The following MYO19 variants were observed in gnomAD, a reference collection of about 807,000 sequenced individuals.
The protein encoded by MYO19 is unconventional myosin-XIX.
Under a neutral mutation model 129.2 loss-of-function variants are expected in MYO19, and 132 were observed. That is an observed-to-expected ratio of 1.02 (90% CI 0.89 to 1.18). MYO19 has a LOEUF of 1.18. Among genes scored for constraint, MYO19 ranks in the 50% most tolerant of loss-of-function variants. The probability of loss-of-function intolerance (pLI) is 0.00; values close to 1 mark genes in which losing one functional copy is unlikely to be tolerated. For missense variants in MYO19, 1,210 were observed against 1,216.7 expected (o/e 0.99, Z 0.08); for synonymous variants, 531 against 477.2 (o/e 1.11, Z -1.47).
rs1483128936 is a variant in MYO19 at position 36,495,684 on chromosome 17, G to A, written c.*567C>T. ...GGTACAGTTGATAGACATCATAAAC[G>A]ATATCAAGCTTACACTTCATATGGA... On this transcript the variant is annotated 3_prime_UTR_variant, in exon 26 of 26. Coordinates refer to ENST00000614623, the MANE Select transcript of MYO19 (RefSeq NM_001163735.2). The A allele has an allele frequency of 6.3e-6, 8 of 1,264,832 alleles. No homozygotes were observed. The highest frequency in any genetic ancestry group is 6.0e-5 in the East Asian group (2 of 33,244). 78.4% of individuals were successfully genotyped at this position (1,264,832 alleles called of 1,614,324 possible). A position where few individuals can be genotyped will look rare whatever the true frequency, so the allele number is the denominator to read the frequency against.
chr17:36,535,628 G>C (rs1290412163), upstream of MYO19: 1 of 152,240 alleles, frequency 6.6e-6, no homozygotes, highest in Non-Finnish European at 1.5e-5. Context: ...CGGCCAGGTC[G>C]GGCGTCTGTT....
In MYO19 at chr17:36,513,678, AG is replaced by A; in HGVS notation, c.767del (p.Pro256LeufsTer16). 6.2e-7 allele frequency: 1 copy of A among 1,613,956 alleles called. No homozygotes were observed. The stretch of plus-strand genomic sequence containing the variant: ...GCAGCCAGGAGAAGGCAGCTCCCTC[AG>A]GAAGGTGCCACTGGAGCCTCTCGTC... ...SEDERLQWHL[P>X]EGAAFSWLPN... On this transcript the variant is annotated frameshift_variant, in exon 10 of 26. Coordinates refer to ENST00000614623, the MANE Select transcript of MYO19 (RefSeq NM_001163735.2). LOFTEE classifies it high-confidence loss of function.
At chr17:36,524,267 C>CT (rs1369240728) in intron 6 of MYO19, among the ~76,000 whole-genome samples, 1 of 152,224 alleles carries the variant, frequency 6.6e-6, no homozygotes, top group Non-Finnish European at 1.5e-5. Context: ...TCTCAGCAGA[C>CT]TAAGTGCCCC....
chr17:36,507,154 C>G lies in MYO19; in HGVS notation c.1468-15G>C. On this transcript the variant is annotated splice_polypyrimidine_tract_variant and intron_variant, in intron 16 of 25. Coordinates refer to ENST00000614623, the MANE Select transcript of MYO19 (RefSeq NM_001163735.2). ...AGGCGGCATTCCTGTGGGATGGGAA[C>G]AGGGGGTCAGCCACCAACATGAGAG... The G allele has an allele frequency of 6.3e-7, 1 of 1,592,544 alleles. No individual in the cohort carries two copies. The highest frequency in any genetic ancestry group is 8.6e-7 in the Non-Finnish European group (1 of 1,164,928).
chr17:36,516,554 TAA>T (rs1287876054), intron 6 of MYO19, among the ~76,000 whole-genome samples: 1 of 152,180 alleles, frequency 6.6e-6, no homozygotes, highest in Non-Finnish European at 1.5e-5. Flanking sequence ...ACATCTTTAG[TAA>T]AGACGGGGTT....
intron 25 of MYO19, chr17:36,498,003 G>A (rs1022469514): frequency 4.2e-5 from 20 of 478,740 alleles, no homozygotes; most frequent in African/African-American, 2.3e-4. Context: ...CATTGCATTT[G>A]GAAATGGGAC....
chr17:36,505,442 G>T, intron 18 of MYO19, 38 bp from the exon 19 acceptor site: 2 of 1,501,022 alleles, frequency 1.3e-6, no homozygotes, highest in Non-Finnish European at 1.8e-6. Flanking sequence ...CAGGGAGAGG[G>T]GCTGCCCAGG....
At chr17:36,538,360 A>C (rs759140627), upstream of MYO19, 2 of 1,614,076 alleles carry the variant, frequency 1.2e-6, no homozygotes. Flanking sequence ...CCTGTTACAA[A>C]TAAAAAGCAT....
chr17:36,523,182 C>CAAAAAAAAA (rs34403651), intron 6 of MYO19, among the ~76,000 whole-genome samples: 1 of 103,442 alleles, frequency 9.7e-6, no homozygotes, highest in African/African-American at 3.5e-5. Flanking sequence ...AACCCTGTCT[C>CAAAAAAAAA]AAAAAAAAAA....
rs995340115 is a variant in MYO19 at position 36,514,525 on chromosome 17, G to A, written c.641C>T (p.Ala214Val). 1.2e-6 allele frequency: 2 copies of A among 1,612,848 alleles called. No homozygotes were observed. Among genetic ancestry groups the A allele is most frequent in the Non-Finnish European group, 1.7e-6 (2 of 1,178,900 alleles). The change falls in exon 9 of 26, where the codon GCA becomes GTA. Residue 214 changes from alanine to valine, a missense_variant. Ala to Val is a moderately conservative substitution (Grantham distance 64). Coordinates refer to ENST00000614623, the MANE Select transcript of MYO19 (RefSeq NM_001163735.2). ...TTTCTCTAGGAGGTAGGTCTGGACT[G>A]CGGCTCCAGTCATTTGCTGAGCCCT... ...LNRAQQMTGA[A>V]VQTYLLEKTR...
intron 25 of MYO19, chr17:36,497,653 C>G (rs1372893941): frequency 3.8e-6 from 2 of 522,320 alleles, no homozygotes; most frequent in African/African-American, 4.1e-5. Flanking sequence ...GGCGCAATCT[C>G]GGCTCACTGC....
At chr17:36,505,728 A>C (rs1046480139) in intron 18 of MYO19, among the ~76,000 whole-genome samples, 11 of 152,324 alleles carry the variant, frequency 7.2e-5, no homozygotes, top group African/African-American at 2.6e-4. Context: ...AGAAAAGAAC[A>C]ATCTCAAAAC....
chr17:36,510,193 T>C (rs945779512), intron 13 of MYO19, among the ~76,000 whole-genome samples: 2 of 152,186 alleles, frequency 1.3e-5, no homozygotes, highest in Admixed American at 1.3e-4. Context: ...GAACTCAAGG[T>C]GAGAGATCAT....
intron 7 of MYO19, 101 bp from the exon 8 acceptor site, chr17:36,515,283 G>A (rs1243193374): frequency 1.0e-6 from 1 of 1,003,262 alleles, no homozygotes; most frequent in African/African-American, 1.6e-5. Context: ...CCGTGCTCAA[G>A]TCACCTAAAG....
chr17:36,508,925 C>T (rs1159201160), intron 14 of MYO19, 137 bp downstream of exon 14: 4 of 709,654 alleles, frequency 5.6e-6, no homozygotes, highest in Non-Finnish European at 2.5e-6. Flanking sequence ...TCTATGCTGG[C>T]AGGCAGATGC....
chr17:36,515,193 C>T lies in MYO19; in HGVS notation c.548-11G>A. 1 of 1,611,126 alleles carries T rather than the reference C, an allele frequency of 6.2e-7. No individual in the cohort carries two copies. The highest frequency in any genetic ancestry group is 8.5e-7 in the Non-Finnish European group (1 of 1,178,508). On this transcript the variant is annotated splice_polypyrimidine_tract_variant and intron_variant, in intron 7 of 25. Coordinates refer to ENST00000614623, the MANE Select transcript of MYO19 (RefSeq NM_001163735.2). ...GTGTACACGCATTCCCTACAGATCA[C>T]ACCTATGTTTATTTCACTCCCCTGG...
chr17:36,502,423 C>A (rs1003386055), intron 21 of MYO19, among the ~76,000 whole-genome samples: 9 of 152,096 alleles, frequency 5.9e-5, no homozygotes, highest in African/African-American at 2.2e-4. Flanking sequence ...TTACTCCTTT[C>A]CTCTCCCTCT....
chr17:36,543,475 G>GAC (rs2074211830), upstream of MYO19: 1 of 151,980 alleles, frequency 6.6e-6, no homozygotes, highest in Admixed American at 6.6e-5. Context: ...ATATTTGCCG[G>GAC]GTAATGACAC....
At chr17:36,499,656 T>TTTTG (rs1437415328) in intron 23 of MYO19, 1 of 142,548 alleles carries the variant, frequency 7.0e-6, no homozygotes, top group Non-Finnish European at 1.5e-5. Flanking sequence ...TTCTTTTTCT[T>TTTTG]TTTGTTTCTT....
Sources: allele counts gnomAD v4.1 joint callset (sites outside exome capture counted in the v4.1 genomes callset), GRCh38; gene constraint gnomAD v4.1.1; transcripts MANE v1.5; gene names NCBI Gene and HGNC (gene_info 2026-07-23, HGNC 2026-07-21).